USF3: variants seen among roughly 807,000 people sequenced by gnomAD.
USF3 encodes the protein basic helix-loop-helix domain-containing protein USF3.
Under a neutral mutation model 157.5 loss-of-function variants are expected in USF3, and 29 were observed. The observed-to-expected ratio is 0.18, with a 90% confidence interval of 0.14 to 0.25. The LOEUF (loss-of-function observed/expected upper bound fraction) is 0.25, where lower values mean the gene tolerates loss of function less well. Ranked by LOEUF, USF3 falls within the 10% of genes least tolerant of loss-of-function variation. The pLI, the probability that USF3 is intolerant of heterozygous loss-of-function variation, is 1.00. For missense variants in USF3, 2,381 were observed against 2,667.6 expected, an observed-to-expected ratio of 0.89 and a Z score of 2.37; for synonymous variants, 893 against 941.4, an observed-to-expected ratio of 0.95 and a Z score of 0.94.
At chr3:113,685,881 G>T (rs1262314822) in intron 1 of USF3, among the ~76,000 whole-genome samples, 1 of 152,146 alleles carries the variant, frequency 6.6e-6, no homozygotes, top group Non-Finnish European at 1.5e-5. Flanking sequence ...CTGTAGCTGA[G>T]CTGGGATCCA....
chr3:113,655,509 G>A lies in USF3; in HGVS notation c.6173C>T (p.Thr2058Ile), dbSNP rs755561773. 1.3e-5 allele frequency: 21 copies of A among 1,614,020 alleles called. No homozygotes were observed. The highest frequency in any genetic ancestry group is 1.7e-5 in the Non-Finnish European group (20 of 1,180,022). Reference protein sequence around the residue: ...PNDNSGPDQHTLSQNFGFSFI... With the variant: ...PNDNSGPDQHILSQNFGFSFI... ...AGAAAAACCAAAATTTTGTGATAGT[G>A]TATGCTGGTCAGGACCTGAATTATC... Residue 2058 changes from threonine to isoleucine, a missense_variant, in exon 7 of 7, where the codon ACA (threonine) becomes ATA (isoleucine). Transcript: ENST00000316407.
Position 113,656,086 on chromosome 3 carries a change from G to T in USF3, c.5596C>A (p.His1866Asn). The change falls in exon 7 of 7, where the codon CAT (histidine) becomes AAT (asparagine). Residue 1866 changes from histidine (H) to asparagine (N), a missense_variant. This residue lies in a region of USF3 where 770 missense variants were observed against 824.2 expected (regional missense o/e 0.93). Coordinates refer to ENST00000316407, the MANE Select transcript of USF3 (RefSeq NM_001009899.4). ...TGACTCTCACTCTCTCTTCTAATAT[G>T]GACATTTTCATGAGTTGGGGGACAA... is the stretch of plus-strand genomic sequence containing the variant. ...YNCPPTHENV[H>N]IRRESESQNR... 6.2e-7 allele frequency: 1 copy of T among 1,614,066 alleles called. No homozygotes were observed.
At position 113,659,739 on chromosome 3, in the gene USF3, G is replaced by A; in HGVS notation, c.1943C>T (p.Ser648Leu). Residue 648 changes from serine (S) to leucine (L), a missense_variant, in exon 7 of 7, where the codon TCA becomes TTA. By Grantham distance (145) the Ser-to-Leu change is moderately radical (BLOSUM62 -2). Transcript: ENST00000316407. ...PRPSSLSASN[S>L]TQTFSVTMSN... ...CATGGTAACAGAAAAAGTTTGTGTT[G>A]AGTTAGACGCTGATAAAGATGAAGG... 1 of 1,614,220 alleles carries A rather than the reference G, an allele frequency of 6.2e-7. No homozygotes were observed. The highest frequency in any genetic ancestry group is 8.5e-7 in the Non-Finnish European group (1 of 1,180,044).
intron 5 of USF3, among the ~76,000 whole-genome samples, chr3:113,667,394 C>T (rs1383771183): frequency 2.6e-5 from 4 of 152,154 alleles, no homozygotes; most frequent in Non-Finnish European, 4.4e-5. Context: ...GGTTTCCTTT[C>T]TTCAGAGAAA....
Position 113,677,297 on chromosome 3 carries a change from G to A in USF3, c.-34C>T, listed in dbSNP as rs1377283395. Reference sequence around the variant, plus strand: ...ACCTTCTCACCTAAGGGCTTGCAGAGTTTCTTCACTTTTGATTCCTGGCTT... The same window carrying A: ...ACCTTCTCACCTAAGGGCTTGCAGAATTTCTTCACTTTTGATTCCTGGCTT... On this transcript the variant is annotated 5_prime_UTR_variant, in exon 2 of 7. Transcript: ENST00000316407. The A allele has an allele frequency of 6.6e-6, 1 of 152,178 alleles. No individual in the cohort carries two copies. Among genetic ancestry groups the A allele is most frequent in the African/African-American group, 2.4e-5 (1 of 41,438 alleles). 9.4% of individuals were successfully genotyped at this position (152,178 alleles called of 1,614,324 possible).
rs141605985 is a variant in USF3, at chr3:113,682,598, C to G, written c.-134-5201G>C. On this transcript the variant is annotated intron_variant, in intron 1 of 6. Transcript: ENST00000316407. ...ACTATTATTGTATTGGGGTCTATCTCTCTTTGATATAGTAATATTTGCTTT... is the reference window on the plus strand; with the variant it reads ...ACTATTATTGTATTGGGGTCTATCTGTCTTTGATATAGTAATATTTGCTTT... 5.5e-4 allele frequency among the ~76,000 whole-genome samples: 84 copies of G among 152,216 alleles called. 1 individual carries two copies. The East Asian group carries it at 0.016, about 29-fold the overall frequency.
At chr3:113,676,464 A>G (rs1347217322) in intron 2 of USF3, among the ~76,000 whole-genome samples, 1 of 152,160 alleles carries the variant, frequency 6.6e-6, no homozygotes, top group African/African-American at 2.4e-5. Context: ...AAGTGAGGAA[A>G]GCCCCTTATA....
intron 5 of USF3, among the ~76,000 whole-genome samples, chr3:113,669,205 TGAA>T (rs907015174): frequency 1.5e-4 from 23 of 151,872 alleles, no homozygotes; most frequent in African/African-American, 3.6e-4. Context: ...ATGGAAGGAC[TGAA>T]GAAGAAGAAG....
rs749319686 is a variant in USF3, at chr3:113,655,669, TACTTTGCCTTTGGTTTCCAGA to T, written c.5992_6012del (p.Ser1998_Ser2004del). On this transcript the variant is annotated inframe_deletion, in exon 7 of 7. Coordinates refer to ENST00000316407, the MANE Select transcript of USF3 (RefSeq NM_001009899.4). ...TGGGGAAGACTTGGATCAAAGACAG[TACTTTGCCTTTGGTTTCCAGA>T]ACGATTCCTTTCAGGCTGACGAATT... 28 of 1,614,010 alleles carry T rather than the reference TACTTTGCCTTTGGTTTCCAGA, an allele frequency of 1.7e-5. No individual in the cohort carries two copies. The highest frequency in any genetic ancestry group is 2.2e-5 in the Non-Finnish European group (26 of 1,179,996).
chr3:113,676,137 CT>C (rs1489376374), intron 2 of USF3, among the ~76,000 whole-genome samples: 3 of 152,214 alleles, frequency 2.0e-5, no homozygotes, highest in Admixed American at 6.5e-5. Context: ...AAGTTCCAAA[CT>C]TTCCCACATT....
In USF3 at chr3:113,681,148, TTG is replaced by T. The variant is rs1235824013; in HGVS notation, c.-134-3753_-134-3752del. ...ACCCACCAGCACGCCTGGCTAATTTTTGTAGTTTTTAGTAGAGATGGGGTTTC... is the reference window on the plus strand; with the variant it reads ...ACCCACCAGCACGCCTGGCTAATTTTTAGTTTTTAGTAGAGATGGGGTTTC... On this transcript the variant is annotated intron_variant, in intron 1 of 6. Transcript: ENST00000316407. Among the ~76,000 whole-genome samples, 14 of 152,172 alleles carry T rather than the reference TTG, an allele frequency of 9.2e-5. No homozygotes were observed. The East Asian group carries it at 2.5e-3, about 27-fold the overall frequency.
intron 1 of USF3, among the ~76,000 whole-genome samples, chr3:113,684,685 G>T (rs1707509347): frequency 6.6e-6 from 1 of 151,898 alleles, no homozygotes; most frequent in African/African-American, 2.4e-5. Flanking sequence ...CAGAATTTCT[G>T]CTTGATTCTT....
At chr3:113,668,565 CA>C (rs1707061933) in intron 5 of USF3, among the ~76,000 whole-genome samples, 1 of 150,656 alleles carries the variant, frequency 6.6e-6, no homozygotes, top group Non-Finnish European at 1.5e-5. Flanking sequence ...TACCAAAATA[CA>C]AACCTATTCA....
intron 5 of USF3, among the ~76,000 whole-genome samples, chr3:113,667,648 C>T (rs1380473179): frequency 6.6e-6 from 1 of 152,156 alleles, no homozygotes; most frequent in Non-Finnish European, 1.5e-5. Flanking sequence ...GGGTGGATCA[C>T]TTGAGGTCAG....
At chr3:113,696,110 G>T (rs1054037931) in intron 1 of USF3, among the ~76,000 whole-genome samples, 2 of 152,234 alleles carry the variant, frequency 1.3e-5, no homozygotes, top group Non-Finnish European at 2.9e-5. Context: ...GGCGCAGTGC[G>T]AGCCCCCCAC....
chr3:113,663,458 G>C (rs948177266), intron 6 of USF3, among the ~76,000 whole-genome samples: 3 of 152,188 alleles, frequency 2.0e-5, no homozygotes, highest in South Asian at 2.1e-4. Context: ...ACTAGGTGAG[G>C]GGGGGAAGCT....
intron 1 of USF3, among the ~76,000 whole-genome samples, chr3:113,695,625 A>C (rs1559728968): frequency 6.6e-6 from 1 of 152,244 alleles, no homozygotes; most frequent in Non-Finnish European, 1.5e-5. Flanking sequence ...ACTTTGGTTT[A>C]TGCAGTCTCA....
intron 3 of USF3, 43 bp from the exon 4 acceptor site, chr3:113,673,419 G>T: frequency 8.0e-7 from 1 of 1,249,138 alleles, no homozygotes; most frequent in Non-Finnish European, 1.2e-6. Context: ...GAAAATAATG[G>T]GAAAGTATTT....
chr3:113,674,732 T>C (rs573341426), intron 3 of USF3, 100 bp downstream of exon 3: 246 of 870,444 alleles, frequency 2.8e-4, no homozygotes, highest in Non-Finnish European at 1.3e-4. Flanking sequence ...CCTCGGTATC[T>C]AAATAAAAGT....
Sources: gnomAD v4.1 joint callset for allele counts (sites outside exome capture counted in the v4.1 genomes callset) on GRCh38, gnomAD v4.1.1 for gene constraint, gnomAD v4.1.1 regional missense constraint, MANE v1.5 for transcripts, NCBI Gene and HGNC (gene_info 2026-07-23, HGNC 2026-07-21) for gene names.